Variants in PBX1 observed in about 807,000 individuals in gnomAD.
PBX1 encodes PBX homeobox 1.
In PBX1, 6 loss-of-function variants were observed where a neutral mutation model predicts 53.4. The observed-to-expected ratio is 0.11, with a 90% confidence interval of 0.06 to 0.22. The LOEUF is 0.22. PBX1 is among the 10% of genes least tolerant of loss of function. The pLI, the probability that PBX1 is intolerant of heterozygous loss-of-function variation, is 1.00. For missense variants in PBX1, 251 were observed against 551.4 expected, an observed-to-expected ratio of 0.46 and a Z score of 5.46; for synonymous variants, 204 against 212.3, an observed-to-expected ratio of 0.96 and a Z score of 0.34.
chr1:164,649,579 A>G (rs1659668067), intron 2 of PBX1, among the ~76,000 whole-genome samples: 1 of 152,160 alleles, frequency 6.6e-6, no homozygotes, highest in African/African-American at 2.4e-5. Context: ...AGCCATGGCC[A>G]CTTGGCTTCC....
chr1:164,766,756 CAG>C (rs1667080123), intron 2 of PBX1, among the ~76,000 whole-genome samples: 1 of 138,818 alleles, frequency 7.2e-6, no homozygotes, highest in Admixed American at 7.6e-5. Context: ...TTTTTTGAGA[CAG>C]AGTCTGGCTC....
chr1:164,718,192 G>A (rs1304047875), intron 2 of PBX1, among the ~76,000 whole-genome samples: 2 of 152,074 alleles, frequency 1.3e-5, no homozygotes, highest in African/African-American at 2.4e-5. Flanking sequence ...CTTCTTTTTT[G>A]ACTCTAAATT....
chr1:164,853,395 G>C (rs1266688662), downstream of PBX1, among the ~76,000 whole-genome samples: 2 of 152,182 alleles, frequency 1.3e-5, no homozygotes, highest in Non-Finnish European at 2.9e-5. Context: ...AAGAGCAAAA[G>C]ACAAGCCCAT....
intron 2 of PBX1, among the ~76,000 whole-genome samples, chr1:164,617,998 GC>G (rs1361506180): frequency 6.6e-6 from 1 of 152,028 alleles, no homozygotes; most frequent in Non-Finnish European, 1.5e-5. Context: ...CAGATCTCTG[GC>G]CCATTTTTCT....
rs1040637726 is a variant in PBX1, at chr1:164,847,066, C to T, written c.*390C>T. The T allele has an allele frequency of 4.3e-5, 48 of 1,104,776 alleles. No individual in the cohort carries two copies. The African/African-American group carries it at 5.5e-4, about 13-fold the overall frequency. 68.4% of individuals were successfully genotyped at this position (1,104,776 alleles called of 1,614,324 possible). A position where few individuals can be genotyped will look rare whatever the true frequency, so the allele number is the denominator to read the frequency against. On this transcript the variant is annotated 3_prime_UTR_variant, in exon 9 of 9. Coordinates refer to ENST00000420696, the MANE Select transcript of PBX1 (RefSeq NM_002585.4). ...AAAGAAAATAATAAAAGTGTTTGTA[C>T]GTTTTCATGCTGGTGGTTTGAGGAG...
At chr1:164,805,097 C>T (rs1165293449) in intron 4 of PBX1, among the ~76,000 whole-genome samples, 1 of 152,122 alleles carries the variant, frequency 6.6e-6, no homozygotes, top group African/African-American at 2.4e-5. Flanking sequence ...CCCATGGACC[C>T]TGTGATTCAA....
downstream of PBX1, chr1:164,854,272 A>G (rs1198436166): frequency 1.3e-5 from 2 of 152,100 alleles, no homozygotes; most frequent in Non-Finnish European, 2.9e-5. Flanking sequence ...AATTGATTAC[A>G]ACCAGTTACA....
chr1:164,706,851 C>T (rs1477723187), intron 2 of PBX1, among the ~76,000 whole-genome samples: 1 of 152,136 alleles, frequency 6.6e-6, no homozygotes, highest in Non-Finnish European at 1.5e-5. Context: ...TTCCAGGTAC[C>T]ATGGATGAGG....
At chr1:164,583,898 C>T (rs1185626218) in intron 2 of PBX1, among the ~76,000 whole-genome samples, 1 of 152,088 alleles carries the variant, frequency 6.6e-6, no homozygotes, top group East Asian at 1.9e-4. Context: ...CTTGATCAGG[C>T]CCTTGAAGAT....
chr1:164,798,683 A>G (rs779107414), intron 3 of PBX1, among the ~76,000 whole-genome samples: 44 of 152,282 alleles, frequency 2.9e-4, no homozygotes, highest in Non-Finnish European at 5.7e-4. Flanking sequence ...TTTCAACTCC[A>G]CCTCCAGAGC....
intron 2 of PBX1, among the ~76,000 whole-genome samples, chr1:164,763,304 A>G (rs1666903022): frequency 6.6e-6 from 1 of 152,156 alleles, no homozygotes; most frequent in Non-Finnish European, 1.5e-5. Flanking sequence ...CTCGTGATCT[A>G]AGTTGACTGC....
chr1:164,751,699 C>A, intron 2 of PBX1, among the ~76,000 whole-genome samples: 1 of 151,150 alleles, frequency 6.6e-6, no homozygotes, highest in South Asian at 2.1e-4. Context: ...CTCCTGCCTC[C>A]GCCTCCCGAG....
chr1:164,654,121 A>T (rs764631252), intron 2 of PBX1, among the ~76,000 whole-genome samples: 42 of 152,310 alleles, frequency 2.8e-4, no homozygotes, highest in Non-Finnish European at 4.6e-4. Context: ...AACACAGTGC[A>T]TTGGGGGTAG....
intron 8 of PBX1, among the ~76,000 whole-genome samples, chr1:164,827,235 G>C (rs1051053479): frequency 6.6e-6 from 1 of 152,140 alleles, no homozygotes; most frequent in Non-Finnish European, 1.5e-5. Flanking sequence ...TGTAAGGCTG[G>C]GAACTGAGGG....
chr1:164,846,489 C>G, intron 8 of PBX1, 95 bp from the exon 9 acceptor site: 1 of 1,014,150 alleles, frequency 9.9e-7, no homozygotes, highest in Non-Finnish European at 1.6e-6. Context: ...AGGCACTATG[C>G]TAGGTCCTTT....
intron 2 of PBX1, chr1:164,674,457 T>G (rs1236910916): frequency 6.6e-6 from 1 of 152,186 alleles, no homozygotes; most frequent in African/African-American, 2.4e-5. Flanking sequence ...AACATCTGCT[T>G]TTTGATAATT....
chr1:164,665,444 C>T (rs1378554938), intron 2 of PBX1, among the ~76,000 whole-genome samples: 2 of 152,216 alleles, frequency 1.3e-5, no homozygotes, highest in East Asian at 3.9e-4. Flanking sequence ...GCCACTATGC[C>T]TGGCTAATTT....
At chr1:164,786,727 GCACA>G (rs796640173) in intron 2 of PBX1, among the ~76,000 whole-genome samples, 11 of 136,512 alleles carry the variant, frequency 8.1e-5, no homozygotes, top group Non-Finnish European at 1.6e-4. Flanking sequence ...GTGTGCGCGC[GCACA>G]CACACACACG....
At chr1:164,857,670 C>T (rs1456301293) in intron 2 of PBX1, among the ~76,000 whole-genome samples, 1 of 152,120 alleles carries the variant, frequency 6.6e-6, no homozygotes, top group Non-Finnish European at 1.5e-5. Flanking sequence ...CTCCTATCAC[C>T]CTTATCACTG....
Sources: allele counts gnomAD v4.1 joint callset (sites outside exome capture counted in the v4.1 genomes callset), GRCh38; gene constraint gnomAD v4.1.1; transcripts MANE v1.5; gene names NCBI Gene and HGNC (gene_info 2026-07-23, HGNC 2026-07-21).